PDE3A: variants seen among roughly 807,000 people sequenced by gnomAD.
PDE3A encodes the protein cGMP-inhibited 3',5'-cyclic phosphodiesterase 3A.
Under a neutral mutation model 98.3 loss-of-function variants are expected in PDE3A, and 43 were observed. The observed-to-expected ratio is 0.44, with a 90% CI of 0.34 to 0.56. The LOEUF (loss-of-function observed/expected upper bound fraction) is 0.56, where lower values mean the gene tolerates loss of function less well. PDE3A is among the 20% of genes least tolerant of loss of function. PDE3A has a pLI of 0.01. For synonymous variants in PDE3A, 663 were observed against 567.9 expected (o/e 1.17, Z -2.38); for missense variants, 1,427 against 1,440.7 (o/e 0.99, Z 0.15).
intron 1 of PDE3A, among the ~76,000 whole-genome samples, chr12:20,539,239 A>G (rs1402549915): frequency 6.6e-6 from 1 of 152,142 alleles, no homozygotes; most frequent in East Asian, 1.9e-4. Context: ...AAAACACAAA[A>G]TTTATTTATG....
chr12:20,556,442 C>T (rs954355734), intron 1 of PDE3A, among the ~76,000 whole-genome samples: 8 of 152,062 alleles, frequency 5.3e-5, no homozygotes, highest in Non-Finnish European at 1.0e-4. Flanking sequence ...TTTTATCACA[C>T]AGTGATATTA....
At chr12:20,640,274 G>A (rs1944616167) in intron 10 of PDE3A, among the ~76,000 whole-genome samples, 1 of 152,072 alleles carries the variant, frequency 6.6e-6, no homozygotes. Context: ...GGTTATTTTA[G>A]TGCCTAGCAC....
At chr12:20,562,370 C>T (rs1565589893) in intron 2 of PDE3A, among the ~76,000 whole-genome samples, 2 of 151,950 alleles carry the variant, frequency 1.3e-5, no homozygotes, top group African/African-American at 4.8e-5. Context: ...CAGGTGTGCA[C>T]CACCACGCCC....
intron 1 of PDE3A, among the ~76,000 whole-genome samples, chr12:20,535,476 G>A (rs1201022360): frequency 6.6e-6 from 1 of 152,182 alleles, no homozygotes; most frequent in African/African-American, 2.4e-5. Context: ...GGATTCCACG[G>A]AGTAAAAGCA....
At chr12:20,534,704 G>A (rs1392573195) in intron 1 of PDE3A, among the ~76,000 whole-genome samples, 1 of 152,094 alleles carries the variant, frequency 6.6e-6, no homozygotes, top group East Asian at 1.9e-4. Flanking sequence ...CCTATTTAAA[G>A]GAATCATATT....
intron 1 of PDE3A, among the ~76,000 whole-genome samples, chr12:20,404,488 G>A (rs533371726): frequency 6.6e-6 from 1 of 152,176 alleles, no homozygotes; most frequent in East Asian, 1.9e-4. Flanking sequence ...ATGAGGTCAG[G>A]AACCACATCT....
intron 1 of PDE3A, among the ~76,000 whole-genome samples, chr12:20,410,513 C>T (rs568610373): frequency 6.6e-6 from 1 of 152,222 alleles, no homozygotes; most frequent in Admixed American, 6.5e-5. Flanking sequence ...GAAGCTACAC[C>T]GTGATCCTGC....
chr12:20,531,062 C>G (rs780761320), intron 1 of PDE3A, among the ~76,000 whole-genome samples: 50 of 152,268 alleles, frequency 3.3e-4, no homozygotes, highest in Non-Finnish European at 5.9e-4. Context: ...TAAGAGGGTT[C>G]CCCCTATCAG....
chr12:20,618,843 T>G (rs995155365), intron 4 of PDE3A, among the ~76,000 whole-genome samples: 1 of 152,020 alleles, frequency 6.6e-6, no homozygotes, highest in African/African-American at 2.4e-5. Flanking sequence ...GCAGTAAACT[T>G]GGCAAAAGAG....
chr12:20,468,093 G>A (rs1945375268), intron 1 of PDE3A, among the ~76,000 whole-genome samples: 1 of 150,546 alleles, frequency 6.6e-6, no homozygotes, highest in Non-Finnish European at 1.5e-5. Flanking sequence ...AAATTAAATA[G>A]CATTGTTTAG....
At chr12:20,667,720 C>T (rs1188747098) in intron 15 of PDE3A, among the ~76,000 whole-genome samples, 1 of 152,142 alleles carries the variant, frequency 6.6e-6, no homozygotes, top group African/African-American at 2.4e-5. Flanking sequence ...CATCTTTGTT[C>T]TTTTCGTTCA....
intron 1 of PDE3A, among the ~76,000 whole-genome samples, chr12:20,456,110 C>CA (rs1226207659): frequency 6.6e-6 from 1 of 152,122 alleles, no homozygotes; most frequent in African/African-American, 2.4e-5. Context: ...TAGCTTCCCT[C>CA]ATGAAGGGAT....
In PDE3A at chr12:20,616,342, A is replaced by C; in HGVS notation, c.1382A>C (p.Asp461Ala). The change falls in exon 4 of 16, where the codon GAC becomes GCC. Residue 461 changes from aspartate to alanine, a missense_variant. By Grantham distance (126) the Asp-to-Ala change is moderately radical. Around this residue, in one of 3 missense-constraint regions of PDE3A, gnomAD observed 1,012 missense variants for 886.5 expected, o/e 1.14. Transcript: ENST00000359062. ...TTGGAGCCTGCACCAGTACGGAGAG[A>C]CCGCAGCACCAGCATCAAACTGCAG... ...PTLEPAPVRR[D>A]RSTSIKLQEA... 6.2e-7 allele frequency: 1 copy of C among 1,613,684 alleles called. No homozygotes were observed. Among genetic ancestry groups the C allele is most frequent in the South Asian group, 1.1e-5 (1 of 91,038 alleles).
chr12:20,587,073 A>C (rs1350286995), intron 2 of PDE3A, among the ~76,000 whole-genome samples: 3 of 152,196 alleles, frequency 2.0e-5, no homozygotes, highest in Non-Finnish European at 2.9e-5. Context: ...TAAATAACTT[A>C]AAATTAGTAG....
At chr12:20,478,985 A>G (rs995578696) in intron 1 of PDE3A, among the ~76,000 whole-genome samples, 10 of 152,174 alleles carry the variant, frequency 6.6e-5, no homozygotes, top group African/African-American at 1.7e-4. Flanking sequence ...TTTAAAATAT[A>G]TACTTTGTGA....
At chr12:20,668,993 G>C (rs1055784682) in intron 15 of PDE3A, among the ~76,000 whole-genome samples, 2 of 150,202 alleles carry the variant, frequency 1.3e-5, no homozygotes, top group Admixed American at 1.3e-4. Flanking sequence ...CCAATACAGA[G>C]AAGTGCTTAA....
In PDE3A at chr12:20,629,925, T is replaced by G; in HGVS notation, c.1558T>G (p.Ser520Ala). The G allele has an allele frequency of 6.2e-7, 1 of 1,613,834 alleles. No homozygotes were observed. The highest frequency in any genetic ancestry group is 8.5e-7 in the Non-Finnish European group (1 of 1,179,768). Residue 520 changes from serine to alanine, a missense_variant, in exon 6 of 16, where the codon TCA (serine) becomes GCA (alanine). Ser to Ala is a moderately conservative substitution (Grantham distance 99). Transcript: ENST00000359062. ...TTTCTCAGGTGCCCTCGCTAAAATT[T>G]CACCTCTTTCATCGCCCTGCTCCTC... is the stretch of plus-strand genomic sequence containing the variant. Reference protein sequence around the residue: ...QSRPGALAKISPLSSPCSSPL... With the variant: ...QSRPGALAKIAPLSSPCSSPL...
chr12:20,602,730 A>G (rs1172301642), intron 2 of PDE3A, among the ~76,000 whole-genome samples: 2 of 152,204 alleles, frequency 1.3e-5, no homozygotes, highest in Non-Finnish European at 1.5e-5. Flanking sequence ...GTAAACTCAT[A>G]TTCCCTGCCA....
At chr12:20,551,559 G>A (rs1027602730) in intron 1 of PDE3A, 136 of 1,467,734 alleles carry the variant, frequency 9.3e-5, no homozygotes, top group Non-Finnish European at 1.2e-4. Context: ...CTAGTTACGC[G>A]ACCCCCGAGC....
Sources: allele counts gnomAD v4.1 joint callset (sites outside exome capture counted in the v4.1 genomes callset), GRCh38; gene constraint gnomAD v4.1.1; regional missense constraint gnomAD v4.1.1; transcripts MANE v1.5; gene names NCBI Gene and HGNC (gene_info 2026-07-23, HGNC 2026-07-21).